FGD4: variants seen among roughly 807,000 people sequenced by gnomAD.
The protein encoded by FGD4 is FYVE, RhoGEF and PH domain containing 4, also known as FYVE, RhoGEF and PH domain-containing protein 4.
A neutral mutation model predicts 102.0 loss-of-function variants in FGD4; 42 were observed. The observed-to-expected ratio is 0.41, with a 90% CI of 0.32 to 0.53. FGD4 has a LOEUF of 0.53. FGD4 is among the 20% of genes least tolerant of loss of function. The pLI is 0.21. For synonymous variants in FGD4, 380 were observed against 375.7 expected (o/e 1.01, Z -0.13); for missense variants, 902 against 1,078.2 (o/e 0.84, Z 2.29).
In FGD4 at chr12:32,568,834, G is replaced by C. The variant is rs529427329; in HGVS notation, c.319+4545G>C. ...AATTGAAGACTACTGACTTAAACTG[G>C]CAATTGGTTTCTTTTCATTCTAGAT... is the stretch of plus-strand genomic sequence containing the variant. On this transcript the variant is annotated intron_variant, in intron 2 of 16. Transcript: ENST00000534526. Among the ~76,000 whole-genome samples, 81 of 152,154 alleles carry C rather than the reference G, an allele frequency of 5.3e-4. No homozygotes were observed. The South Asian group carries it at 8.3e-3, about 16-fold the overall frequency.
At chr12:32,487,099 A>G (rs1264965216) in intron 1 of FGD4, among the ~76,000 whole-genome samples, 3 of 152,210 alleles carry the variant, frequency 2.0e-5, no homozygotes, top group Non-Finnish European at 2.9e-5. Context: ...CAGGTACCTT[A>G]ATTAACACAT....
intron 1 of FGD4, among the ~76,000 whole-genome samples, chr12:32,431,705 G>A (rs2136436547): frequency 6.6e-6 from 1 of 151,724 alleles, no homozygotes; most frequent in African/African-American, 2.4e-5. Context: ...CCTGGGAGGT[G>A]GAGGTTGCAG....
chr12:32,475,683 C>T (rs896476812), intron 1 of FGD4, among the ~76,000 whole-genome samples: 11 of 152,160 alleles, frequency 7.2e-5, no homozygotes, highest in African/African-American at 2.7e-4. Context: ...CTGATGCATA[C>T]GAAGTTTTAG....
chr12:32,528,411 C>G (rs531591501), intron 1 of FGD4, among the ~76,000 whole-genome samples: 1 of 151,782 alleles, frequency 6.6e-6, no homozygotes, highest in African/African-American at 2.4e-5. Flanking sequence ...TTTTTTGAGA[C>G]GGAGCCTCGC....
intron 14 of FGD4, among the ~76,000 whole-genome samples, chr12:32,628,493 G>C (rs1396526993): frequency 6.6e-6 from 1 of 152,038 alleles, no homozygotes; most frequent in African/African-American, 2.4e-5. Flanking sequence ...GATGGCGACT[G>C]AACTAGATTA....
chr12:32,617,882 C>T (rs1483847673), intron 10 of FGD4, among the ~76,000 whole-genome samples: 3 of 152,196 alleles, frequency 2.0e-5, no homozygotes, highest in African/African-American at 7.2e-5. Flanking sequence ...GGAGCTCCCA[C>T]CTTCACCTAT....
At chr12:32,629,389 T>C (rs1000270955) in intron 14 of FGD4, among the ~76,000 whole-genome samples, 4 of 152,236 alleles carry the variant, frequency 2.6e-5, no homozygotes, top group Non-Finnish European at 4.4e-5. Context: ...CCATTTATGA[T>C]GTACCAGTGC....
At chr12:32,401,030 C>T (rs557604968) in intron 1 of FGD4, among the ~76,000 whole-genome samples, 1 of 152,304 alleles carries the variant, frequency 6.6e-6, no homozygotes, top group South Asian at 2.1e-4. Flanking sequence ...ACAGTGCCTT[C>T]GGTCTTCATT....
intron 10 of FGD4, among the ~76,000 whole-genome samples, chr12:32,614,456 T>C (rs1263781090): frequency 6.6e-6 from 1 of 152,172 alleles, no homozygotes; most frequent in Non-Finnish European, 1.5e-5. Context: ...CAAGGCAATA[T>C]GCCTGCTGAC....
chr12:32,643,360 A>G lies in FGD4; in HGVS notation c.*2827A>G, dbSNP rs913423069. The G allele has an allele frequency of 6.6e-6, 1 of 152,502 alleles. No individual in the cohort carries two copies. Among genetic ancestry groups the G allele is most frequent in the Non-Finnish European group, 1.5e-5 (1 of 67,948 alleles). The allele number at this position is 152,502 out of a possible 1,614,324, so 9.4% of individuals were successfully genotyped here. A position where few individuals can be genotyped will look rare whatever the true frequency, so the allele number is the denominator to read the frequency against. On this transcript the variant is annotated 3_prime_UTR_variant, in exon 17 of 17. Transcript: ENST00000534526. Reference sequence around the variant, plus strand: ...TATGAAGGCCCCTTCCCACAAGAATATAGATAATTATTAACTTTCTAGATG... The same window carrying G: ...TATGAAGGCCCCTTCCCACAAGAATGTAGATAATTATTAACTTTCTAGATG...
chr12:32,527,940 G>A (rs1342295042), intron 1 of FGD4, among the ~76,000 whole-genome samples: 1 of 151,964 alleles, frequency 6.6e-6, no homozygotes, highest in Admixed American at 6.6e-5. Context: ...TGACATTACA[G>A]ATAAAATTTC....
Position 32,623,897 on chromosome 12 carries a change from C to A in FGD4, c.1923-525C>A, listed in dbSNP as rs112107355. On this transcript the variant is annotated intron_variant, in intron 11 of 16. Coordinates refer to ENST00000534526, the MANE Select transcript of FGD4 (RefSeq NM_001370298.3). ...AAAATTTTTATATGCTTTTCTTTAT[C>A]TAAAATGGGGTTAGGTTTGGTATTG... Among the ~76,000 whole-genome samples, 361 of 152,278 alleles carry A rather than the reference C, an allele frequency of 2.4e-3. 2 individuals carry two copies. Among genetic ancestry groups the A allele is most frequent in the African/African-American group, 8.1e-3 (338 of 41,554 alleles).
chr12:32,618,030 A>G (rs1293545218), intron 10 of FGD4, among the ~76,000 whole-genome samples: 1 of 152,230 alleles, frequency 6.6e-6, no homozygotes, highest in Non-Finnish European at 1.5e-5. Flanking sequence ...TAGTCCTGAA[A>G]GCATGAAAGG....
intron 1 of FGD4, among the ~76,000 whole-genome samples, chr12:32,473,287 T>C (rs900776942): frequency 4.6e-5 from 7 of 151,732 alleles, no homozygotes; most frequent in African/African-American, 9.7e-5. Flanking sequence ...TTTGTTCTTT[T>C]GCTCTTTGCA....
Position 32,638,794 on chromosome 12 carries a change from A to T in FGD4, c.2453A>T (p.Gln818Leu). 1 of 1,614,018 alleles carries T rather than the reference A, an allele frequency of 6.2e-7. No individual in the cohort carries two copies. The highest frequency in any genetic ancestry group is 8.5e-7 in the Non-Finnish European group (1 of 1,179,914). ...GTGCTGTACATGTATGGTGCCCCCCAGGTATCTAAACCACATCTGTCTGAA... is the reference window on the plus strand; with the variant it reads ...GTGCTGTACATGTATGGTGCCCCCCTGGTATCTAAACCACATCTGTCTGAA... ...PLVLYMYGAP[Q>L]DVRAQATIPL... The change falls in exon 16 of 17, where the codon CAG becomes CTG. Residue 818 changes from glutamine to leucine, a missense_variant and splice_region_variant. Transcript: ENST00000534526.
intron 1 of FGD4, among the ~76,000 whole-genome samples, chr12:32,437,491 G>A (rs551313046): frequency 1.1e-4 from 16 of 152,310 alleles, no homozygotes; most frequent in African/African-American, 3.6e-4. Flanking sequence ...CCTGGCCCAG[G>A]CCTTTTTAAA....
chr12:32,578,095 G>T (rs1946275521), intron 3 of FGD4, among the ~76,000 whole-genome samples: 1 of 152,084 alleles, frequency 6.6e-6, no homozygotes, highest in Non-Finnish European at 1.5e-5. Context: ...TGATGCAAAG[G>T]TTGAAGGTTT....
Position 32,564,117 on chromosome 12 carries a change from TTCTTTCTGAAC to T in FGD4, c.167-15_167-5del. The T allele has an allele frequency of 6.5e-7, 1 of 1,532,850 alleles. No individual in the cohort carries two copies. The highest frequency in any genetic ancestry group is 8.7e-7 in the Non-Finnish European group (1 of 1,145,372). 95.0% of individuals were successfully genotyped at this position (1,532,850 alleles called of 1,614,324 possible). ...ATATGCCTCCATACTTACCTGCCCT[TTCTTTCTGAAC>T]TCTTGCAGGCAGCAGTACCTGTCCA... On this transcript the variant is annotated splice_polypyrimidine_tract_variant and intron_variant, in intron 1 of 16. Transcript: ENST00000534526.
At chr12:32,476,405 T>C (rs529780251) in intron 1 of FGD4, among the ~76,000 whole-genome samples, 1 of 152,386 alleles carries the variant, frequency 6.6e-6, no homozygotes, top group East Asian at 1.9e-4. Flanking sequence ...ATCTGTGTGC[T>C]GACAGCTCGA....
Sources: gnomAD v4.1 joint callset for allele counts (sites outside exome capture counted in the v4.1 genomes callset) on GRCh38, gnomAD v4.1.1 for gene constraint, MANE v1.5 for transcripts, NCBI Gene and HGNC (gene_info 2026-07-23, HGNC 2026-07-21) for gene names.